The following MTUS2 variants were observed in gnomAD, a reference collection of about 807,000 sequenced individuals.
MTUS2 encodes microtubule-associated tumor suppressor candidate 2.
Under a neutral mutation model 114.1 loss-of-function variants are expected in MTUS2, and 40 were observed. The observed-to-expected ratio is 0.35, with a 90% CI of 0.27 to 0.46. The LOEUF (loss-of-function observed/expected upper bound fraction) is 0.46. MTUS2 is among the 20% of genes least tolerant of loss of function. MTUS2 has a pLI of 1.00. For synonymous variants in MTUS2, 688 were observed against 672.0 expected (o/e 1.02, Z -0.37); for missense variants, 1,679 against 1,705.4 (o/e 0.98, Z 0.27).
intron 4 of MTUS2, among the ~76,000 whole-genome samples, chr13:29,048,194 AT>A (rs1250177576): frequency 5.9e-5 from 9 of 152,012 alleles, no homozygotes; most frequent in Non-Finnish European, 8.8e-5. Flanking sequence ...AAACATTGAC[AT>A]TTTTTTCTCT....
intron 7 of MTUS2, among the ~76,000 whole-genome samples, chr13:29,341,532 C>A (rs1479693147): frequency 1.4e-4 from 21 of 152,058 alleles, no homozygotes; most frequent in Admixed American, 9.2e-4. Flanking sequence ...CTCATAGATT[C>A]TGGATGTTAG....
At chr13:29,309,846 A>G (rs770002578) in intron 6 of MTUS2, among the ~76,000 whole-genome samples, 6 of 152,182 alleles carry the variant, frequency 3.9e-5, no homozygotes, top group Admixed American at 2.0e-4. Context: ...CAGGCATACA[A>G]TGTGCAATGG....
chr13:28,828,872 A>G (rs1252310808), intron 1 of MTUS2, among the ~76,000 whole-genome samples: 3 of 152,232 alleles, frequency 2.0e-5, no homozygotes, highest in African/African-American at 7.2e-5. Flanking sequence ...TTGGTTTGTA[A>G]TAGCACTGTT....
At chr13:29,449,334 C>A (rs1878520458) in intron 9 of MTUS2, among the ~76,000 whole-genome samples, 1 of 152,142 alleles carries the variant, frequency 6.6e-6, no homozygotes, top group Non-Finnish European at 1.5e-5. Flanking sequence ...TGACTAGTAG[C>A]CCACACATAC....
At chr13:29,345,981 A>T (rs1868638361) in intron 7 of MTUS2, among the ~76,000 whole-genome samples, 3 of 152,178 alleles carry the variant, frequency 2.0e-5, no homozygotes, top group South Asian at 2.1e-4. Context: ...ACTGGGGAGT[A>T]TCTGCAAAGA....
chr13:28,822,287 A>G (rs1202323869), intron 1 of MTUS2, among the ~76,000 whole-genome samples: 1 of 152,194 alleles, frequency 6.6e-6, no homozygotes, highest in Non-Finnish European at 1.5e-5. Flanking sequence ...GTACTCCATT[A>G]AACTCCCTGT....
chr13:29,299,387 C>T (rs898686791), intron 6 of MTUS2, among the ~76,000 whole-genome samples: 39 of 152,162 alleles, frequency 2.6e-4, no homozygotes, highest in African/African-American at 9.4e-4. Flanking sequence ...TAATTGCGTA[C>T]CCTCTTCAAG....
chr13:29,243,770 G>A (rs1470908394), intron 5 of MTUS2, among the ~76,000 whole-genome samples: 3 of 152,190 alleles, frequency 2.0e-5, no homozygotes, highest in South Asian at 2.1e-4. Flanking sequence ...CAGTTGGGGG[G>A]ATGCCGTTGA....
At chr13:29,164,671 A>C (rs1893240386) in intron 5 of MTUS2, among the ~76,000 whole-genome samples, 1 of 152,240 alleles carries the variant, frequency 6.6e-6, no homozygotes, top group African/African-American at 2.4e-5. Context: ...ATGACTGAAG[A>C]TAAGATCCTT....
chr13:29,448,608 C>T (rs1738236211), intron 9 of MTUS2, among the ~76,000 whole-genome samples: 1 of 152,008 alleles, frequency 6.6e-6, no homozygotes, highest in Admixed American at 6.6e-5. Context: ...TTGTGACAGC[C>T]TCTGTTCTCG....
At chr13:29,016,563 C>T (rs539221619) in intron 2 of MTUS2, among the ~76,000 whole-genome samples, 1 of 152,152 alleles carries the variant, frequency 6.6e-6, no homozygotes, top group South Asian at 2.1e-4. Flanking sequence ...CAGCATATAT[C>T]ATTTATGTAT....
chr13:28,888,419 C>CT (rs11447851), intron 2 of MTUS2, among the ~76,000 whole-genome samples: 108,616 of 135,792 alleles, frequency 0.8, 44,247 homozygotes, highest in Non-Finnish European at 0.89. Flanking sequence ...CTCTTGGCAT[C>CT]TTTTTTTTTT....
intron 2 of MTUS2, among the ~76,000 whole-genome samples, chr13:28,887,870 C>T (rs1225254379): frequency 2.0e-5 from 3 of 152,248 alleles, no homozygotes; most frequent in African/African-American, 4.8e-5. Context: ...GACTGCCTCT[C>T]TGTTACCTCT....
In MTUS2 at chr13:29,024,745, G is replaced by A. The variant is rs764262725; in HGVS notation, c.47G>A (p.Arg16Gln). The change falls in exon 3 of 16, where the codon CGG becomes CAG. Residue 16 changes from arginine (R) to glutamine (Q), a missense_variant. Physicochemically the swap from Arg to Gln is conservative, Grantham distance 43. Coordinates refer to ENST00000612955, the MANE Select transcript of MTUS2 (RefSeq NM_001033602.4). Reference sequence around the variant, plus strand: ...AAGAAATCATGTTACACTCAGTTGCGGGACAACAGAAATGCAGCAAGAAAT... The same window carrying A: ...AAGAAATCATGTTACACTCAGTTGCAGGACAACAGAAATGCAGCAAGAAAT... ...APKKSCYTQL[R>Q]DNRNAARNNN... 1.4e-5 allele frequency: 23 copies of A among 1,613,960 alleles called. 1 individual carries two copies. The highest frequency in any genetic ancestry group is 1.3e-4 in the East Asian group (6 of 44,884).
chr13:29,350,389 C>T (rs1869128081), intron 7 of MTUS2, among the ~76,000 whole-genome samples: 1 of 151,162 alleles, frequency 6.6e-6, no homozygotes, highest in Non-Finnish European at 1.5e-5. Flanking sequence ...CCACCTTCAG[C>T]TCATAGGGCC....
chr13:28,958,999 C>G (rs1377751944), intron 2 of MTUS2, among the ~76,000 whole-genome samples: 1 of 152,134 alleles, frequency 6.6e-6, no homozygotes, highest in Non-Finnish European at 1.5e-5. Flanking sequence ...TACTCCTAGG[C>G]AGACCAGCTA....
intron 4 of MTUS2, among the ~76,000 whole-genome samples, chr13:29,056,624 G>A (rs889001010): frequency 6.6e-6 from 1 of 151,650 alleles, no homozygotes; most frequent in Non-Finnish European, 1.5e-5. Context: ...AGTTTGTAAG[G>A]GGTTTTGTAT....
intron 8 of MTUS2, among the ~76,000 whole-genome samples, chr13:29,376,576 G>A (rs921688985): frequency 7.0e-6 from 1 of 142,776 alleles, no homozygotes; most frequent in African/African-American, 3.1e-5. Flanking sequence ...TACATTAAAT[G>A]TAATGTAATG....
At chr13:29,299,173 G>A (rs999482246) in intron 6 of MTUS2, among the ~76,000 whole-genome samples, 2 of 152,182 alleles carry the variant, frequency 1.3e-5, no homozygotes, top group East Asian at 1.9e-4. Context: ...ACAATTTCTG[G>A]TTGAAGGATC....
Sources: gnomAD v4.1 joint callset for allele counts (sites outside exome capture counted in the v4.1 genomes callset) on GRCh38, gnomAD v4.1.1 for gene constraint, MANE v1.5 for transcripts, NCBI Gene and HGNC (gene_info 2026-07-23, HGNC 2026-07-21) for gene names.